The following DCDC2 variants were observed in gnomAD, a reference collection of about 807,000 sequenced individuals.
The protein encoded by DCDC2 is doublecortin domain containing 2.
A neutral mutation model predicts 50.2 loss-of-function variants in DCDC2; 40 were observed. The ratio of observed to expected loss-of-function variants is 0.80; its 90% CI spans 0.62 to 1.04. The LOEUF (loss-of-function observed/expected upper bound fraction) is 1.04. Among genes scored for constraint, DCDC2 ranks in the 50% least tolerant of loss-of-function variants. The pLI is 0.00. For missense variants in DCDC2, 570 were observed against 581.9 expected (o/e 0.98, Z 0.21); for synonymous variants, 234 against 210.6 (o/e 1.11, Z -0.96).
At chr6:24,305,411 A>G (rs1308391573) in intron 2 of DCDC2, among the ~76,000 whole-genome samples, 1 of 152,220 alleles carries the variant, frequency 6.6e-6, no homozygotes, top group Non-Finnish European at 1.5e-5. Flanking sequence ...AAACTACTCA[A>G]AGTAGTATAC....
the DCDC2 span, among the ~76,000 whole-genome samples, chr6:24,382,953 A>C: frequency 2.0e-5 from 3 of 152,200 alleles, no homozygotes; most frequent in African/African-American, 7.2e-5. Context: ...ACTATCTCTT[A>C]CTACTCAGAG....
rs139695306 is a variant in DCDC2, at chr6:24,198,489, C to A, written c.1023+6513G>T. Among the ~76,000 whole-genome samples the A allele has an allele frequency of 4.2e-3, 638 of 152,306 alleles. 4 individuals carry two copies. The highest frequency in any genetic ancestry group is 0.013 in the African/African-American group (552 of 41,570). On this transcript the variant is annotated intron_variant, in intron 8 of 9. Coordinates refer to ENST00000378454, the MANE Select transcript of DCDC2 (RefSeq NM_016356.5). The stretch of plus-strand genomic sequence containing the variant: ...CATTCCAGCCCGGATGCTACATTTT[C>A]CCCACAGTCTTTGTGACCCGCAGAC...
intron 4 of DCDC2, among the ~76,000 whole-genome samples, chr6:24,291,997 T>C (rs975579098): frequency 2.0e-5 from 3 of 151,574 alleles, no homozygotes; most frequent in African/African-American, 4.8e-5. Flanking sequence ...GCTTCTTTCT[T>C]TTTTTTTGCC....
intron 7 of DCDC2, 62 bp from the exon 8 acceptor site, chr6:24,205,164 T>C: frequency 6.2e-7 from 1 of 1,614,192 alleles, no homozygotes; most frequent in Non-Finnish European, 8.5e-7. Context: ...GGCTGAATGC[T>C]GGAATTACAA....
chr6:24,355,065 C>T (rs1233096815), intron 1 of DCDC2, among the ~76,000 whole-genome samples: 1 of 152,098 alleles, frequency 6.6e-6, no homozygotes, highest in Non-Finnish European at 1.5e-5. Flanking sequence ...CAAATATATT[C>T]AACATTCAAG....
At chr6:24,288,324 C>G (rs1763662251) in intron 6 of DCDC2, among the ~76,000 whole-genome samples, 1 of 152,174 alleles carries the variant, frequency 6.6e-6, no homozygotes, top group Non-Finnish European at 1.5e-5. Flanking sequence ...AGGAAATTAC[C>G]TACTAAATGC....
upstream of DCDC2, among the ~76,000 whole-genome samples, chr6:24,358,900 A>ATATAT (rs1354981058): frequency 5.9e-3 from 79 of 13,400 alleles, no homozygotes; most frequent in African/African-American, 0.041. Context: ...TATATATATA[A>ATATAT]TATATTATAT....
At chr6:24,185,688 T>TACACATACAC (rs1554143073) in intron 8 of DCDC2, among the ~76,000 whole-genome samples, 1 of 144,400 alleles carries the variant, frequency 6.9e-6, no homozygotes, top group East Asian at 2.0e-4. Flanking sequence ...TCCATACACA[T>TACACATACAC]ACACACACAC....
chr6:24,208,373 T>C (rs1040624318), intron 7 of DCDC2, among the ~76,000 whole-genome samples: 1 of 140,786 alleles, frequency 7.1e-6, no homozygotes, highest in African/African-American at 2.8e-5. Context: ...CTTTTTTTTT[T>C]TTTTTTTTTT....
At chr6:24,358,109 G>C, upstream of DCDC2, 1 of 606,588 alleles carries the variant, frequency 1.6e-6, no homozygotes, top group Non-Finnish European at 2.9e-6. Context: ...CGCCTAGTGA[G>C]GGCAGGAGAG....
intron 7 of DCDC2, among the ~76,000 whole-genome samples, chr6:24,246,640 C>A (rs773302691): frequency 4.2e-4 from 64 of 152,008 alleles, no homozygotes; most frequent in Admixed American, 9.8e-4. Flanking sequence ...GCGTCAGCCA[C>A]AACGCCCAGC....
chr6:24,242,311 C>A (rs1762578918), intron 7 of DCDC2, among the ~76,000 whole-genome samples: 1 of 152,170 alleles, frequency 6.6e-6, no homozygotes, highest in Non-Finnish European at 1.5e-5. Context: ...TGTTTGGCCC[C>A]CTTTGATAGC....
the DCDC2 span, among the ~76,000 whole-genome samples, chr6:24,381,067 G>A: frequency 6.7e-6 from 1 of 149,268 alleles, no homozygotes; most frequent in Non-Finnish European, 1.5e-5. Context: ...GGGTGACAGA[G>A]TGAAGTCTTG....
At chr6:24,297,242 T>C (rs762909586) in intron 4 of DCDC2, among the ~76,000 whole-genome samples, 2 of 151,390 alleles carry the variant, frequency 1.3e-5, no homozygotes, top group Non-Finnish European at 2.9e-5. Context: ...TGTCCTCACT[T>C]ACAAGGGGGA....
chr6:24,291,169 T>A (rs1219028972), intron 4 of DCDC2, 91 bp from the exon 5 acceptor site: 9 of 1,284,722 alleles, frequency 7.0e-6, no homozygotes, highest in Middle Eastern at 2.0e-4. Flanking sequence ...GTCAAAAAAA[T>A]TAAAATTACA....
At chr6:24,206,684 G>A (rs1471816107) in intron 7 of DCDC2, among the ~76,000 whole-genome samples, 2 of 152,178 alleles carry the variant, frequency 1.3e-5, no homozygotes, top group African/African-American at 4.8e-5. Flanking sequence ...TTGCAGATGT[G>A]TTTTAGAATA....
chr6:24,302,734 A>G (rs886415433), intron 2 of DCDC2, among the ~76,000 whole-genome samples: 4 of 152,062 alleles, frequency 2.6e-5, no homozygotes, highest in Non-Finnish European at 5.9e-5. Flanking sequence ...AGCTTTCAGC[A>G]TCAAGCCATC....
At chr6:24,199,236 C>T (rs182848929) in intron 8 of DCDC2, among the ~76,000 whole-genome samples, 163 of 152,290 alleles carry the variant, frequency 1.1e-3, no homozygotes, top group Non-Finnish European at 2.1e-3. Flanking sequence ...CAGGATGGGT[C>T]AACAGACACC....
chr6:24,309,795 T>C (rs1367915639), intron 2 of DCDC2, among the ~76,000 whole-genome samples: 3 of 151,970 alleles, frequency 2.0e-5, no homozygotes, highest in Non-Finnish European at 4.4e-5. Context: ...AGGAACAAGA[T>C]CTCACAATAT....
Sources: gnomAD v4.1 joint callset for allele counts (sites outside exome capture counted in the v4.1 genomes callset) on GRCh38, gnomAD v4.1.1 for gene constraint, MANE v1.5 for transcripts, NCBI Gene and HGNC (gene_info 2026-07-23, HGNC 2026-07-21) for gene names.